The following PNPLA7 variants were observed in gnomAD, a reference collection of about 807,000 sequenced individuals.
PNPLA7 encodes patatin like domain 7, lysophospholipase, also known as patatin-like phospholipase domain-containing protein 7.
A neutral mutation model predicts 161.7 loss-of-function variants in PNPLA7; 153 were observed. The observed-to-expected ratio is 0.95, with a 90% CI of 0.83 to 1.08. PNPLA7 has a LOEUF of 1.08. Among genes scored for constraint, PNPLA7 ranks in the 50% least tolerant of loss-of-function variants. The pLI, the probability that PNPLA7 is intolerant of heterozygous loss-of-function variation, is 0.00. For synonymous variants in PNPLA7, 809 were observed against 782.1 expected, an observed-to-expected ratio of 1.03 and a Z score of -0.57; for missense variants, 1,739 against 1,856.6, an observed-to-expected ratio of 0.94 and a Z score of 1.16.
rs115635900 is a variant in PNPLA7, at chr9:137,543,349, C to T, written c.506+83G>A. ...TGCCAACCATTCCCCCAACACAAGA[C>T]GGCCAAGCTGGAGCCAGGCCCCAGC... On this transcript the variant is annotated intron_variant, in intron 6 of 34. Transcript: ENST00000406427. This position sits in a 1 kb window ranked among gnomAD's most constrained non-coding sequence, Gnocchi z 6.9. 3,454 of 1,557,356 alleles carry T rather than the reference C, an allele frequency of 2.2e-3. 69 individuals carry two copies. The African/African-American group carries it at 0.039, about 17-fold the overall frequency.
intron 9 of PNPLA7, among the ~76,000 whole-genome samples, 157 bp downstream of exon 9, chr9:137,522,572 T>C (rs1588675690): frequency 6.6e-6 from 1 of 152,364 alleles, no homozygotes; most frequent in East Asian, 1.9e-4. Flanking sequence ...GCCAATGAAG[T>C]TGATTTCTCT....
At chr9:137,501,586 C>G in intron 15 of PNPLA7, 64 bp downstream of exon 15, 1 of 1,493,958 alleles carries the variant, frequency 6.7e-7, no homozygotes, top group Non-Finnish European at 9.2e-7. Context: ...TCCTCTGGTG[C>G]TCCACTTGGC....
At chr9:137,493,241 G>A (rs1339333203) in intron 19 of PNPLA7, among the ~76,000 whole-genome samples, 159 bp from the exon 20 acceptor site, 4 of 152,226 alleles carry the variant, frequency 2.6e-5, no homozygotes, top group East Asian at 1.9e-4. Context: ...CACAAGCCAC[G>A]TGCTGGGCCA....
At chr9:137,494,915 C>T in intron 19 of PNPLA7, 118 bp downstream of exon 19, 1 of 937,216 alleles carries the variant, frequency 1.1e-6, no homozygotes, top group Non-Finnish European at 1.6e-6. Context: ...TCTGCGCTCT[C>T]ACCTGCTCCG....
chr9:137,515,491 A>G lies in PNPLA7; in HGVS notation c.1113T>C (p.Ala371=). Reference sequence around the variant, plus strand: ...AGTGGCTCCTCTTCAGCAGGGGCCCAGCAGCTGCCGGGCGGCCGCCCCCGT... The same window carrying G: ...AGTGGCTCCTCTTCAGCAGGGGCCCGGCAGCTGCCGGGCGGCCGCCCCCGT... ...SDHGGGRPAA[A]GPLLKRSHSV... is the part of the protein sequence containing the mutation. Residue 371 remains alanine (A), a synonymous_variant, in exon 12 of 35, where the codon GCT becomes GCC. Coordinates refer to ENST00000406427, the MANE Select transcript of PNPLA7 (RefSeq NM_001098537.3). 3 of 1,570,366 alleles carry G rather than the reference A, an allele frequency of 1.9e-6. No homozygotes were observed. Among genetic ancestry groups the G allele is most frequent in the Admixed American group, 2.0e-5 (1 of 51,266 alleles).
At position 137,484,217 on chromosome 9, in the gene PNPLA7, C is replaced by T. The variant is rs544916272; in HGVS notation, c.2347+370G>A. 6.6e-5 allele frequency among the ~76,000 whole-genome samples: 10 copies of T among 152,276 alleles called. No individual in the cohort carries two copies. The South Asian group carries it at 1.5e-3, about 22-fold the overall frequency. On this transcript the variant is annotated intron_variant, in intron 21 of 34. Coordinates refer to ENST00000406427, the MANE Select transcript of PNPLA7 (RefSeq NM_001098537.3). Reference sequence around the variant, plus strand: ...ACAAGCATGAGCCACCGCGCCCGACCGCATTCATTATTATTGCATTATTTT... The same window carrying T: ...ACAAGCATGAGCCACCGCGCCCGACTGCATTCATTATTATTGCATTATTTT...
chr9:137,460,715 C>T lies in PNPLA7; in HGVS notation c.3864G>A (p.Glu1288=), dbSNP rs1403460277. Reference sequence around the variant, plus strand: ...GGACGTCCAGCAGCTCCTCCTCGTACTCCGTCTGGTAGTCAGATTCGTCTG... The same window carrying T: ...GGACGTCCAGCAGCTCCTCCTCGTATTCCGTCTGGTAGTCAGATTCGTCTG... ...MVDDESDYQT[E]YEEELLDVPR... is the part of the protein sequence containing the mutation. Residue 1288 remains glutamate (E), a synonymous_variant, in exon 34 of 35, where the codon GAG becomes GAA. Transcript: ENST00000406427. 3 of 1,612,776 alleles carry T rather than the reference C, an allele frequency of 1.9e-6. No homozygotes were observed. Among genetic ancestry groups the T allele is most frequent in the Non-Finnish European group, 2.5e-6 (3 of 1,179,894 alleles).
Position 137,462,266 on chromosome 9 carries a change from C to T in PNPLA7, c.3558G>A (p.Val1186=), listed in dbSNP as rs778271781. Residue 1186 remains valine, a synonymous_variant, in exon 31 of 35, where the codon GTG becomes GTA. Coordinates refer to ENST00000406427, the MANE Select transcript of PNPLA7 (RefSeq NM_001098537.3). The part of the protein sequence containing the change: ...AYVCCVRQLE[V]VKSSDYCEYL... ...ACTCGCAGTAGTCACTGCTCTTCAC[C>T]ACCTCCAGCTGCCGCACGCAACACA... 6.2e-7 allele frequency: 1 copy of T among 1,611,900 alleles called. No individual in the cohort carries two copies. Among genetic ancestry groups the T allele is most frequent in the African/African-American group, 1.3e-5 (1 of 74,930 alleles).
intron 1 of PNPLA7, among the ~76,000 whole-genome samples, chr9:137,549,701 C>T (rs1252437343): frequency 6.6e-6 from 1 of 152,054 alleles, no homozygotes; most frequent in Non-Finnish European, 1.5e-5. Context: ...GGCAGAATTG[C>T]CTGAACCCAG....
At chr9:137,494,981 C>T (rs1832971432) in intron 19 of PNPLA7, 52 bp downstream of exon 19, 1 of 1,495,892 alleles carries the variant, frequency 6.7e-7, no homozygotes, top group Non-Finnish European at 9.2e-7. Flanking sequence ...TCCATGCCCT[C>T]ATCCACTCCA....
In PNPLA7 at chr9:137,498,151, C is replaced by A. The variant is rs1833168220; in HGVS notation, c.1852G>T (p.Asp618Tyr). The A allele has an allele frequency of 6.2e-7, 1 of 1,613,098 alleles. No homozygotes were observed. The highest frequency in any genetic ancestry group is 1.3e-5 in the African/African-American group (1 of 75,070). Residue 618 changes from aspartate (D) to tyrosine (Y), a missense_variant, in exon 17 of 35, where the codon GAC becomes TAC. By Grantham distance (160) the Asp-to-Tyr change is radical (BLOSUM62 -3). This residue lies in a region of PNPLA7 where 481 missense variants were observed against 450.0 expected (regional missense o/e 1.07). Coordinates refer to ENST00000406427, the MANE Select transcript of PNPLA7 (RefSeq NM_001098537.3). ...SFVRQIDFALDWVEVEAGRAI... is the reference protein window; with the variant it reads ...SFVRQIDFALYWVEVEAGRAI... ...CGCCCGGCCTCCACCTCCACCCAGT[C>A]CAGGGCAAAGTCGATTTGCCGCACG...
In PNPLA7 at chr9:137,547,032, C is replaced by T; in HGVS notation, c.194-123G>A. On this transcript the variant is annotated intron_variant, in intron 3 of 34. Transcript: ENST00000406427. This position sits in a 1 kb window ranked among gnomAD's most constrained non-coding sequence, Gnocchi z 4.6. ...CCAGTAACTGGCCATACTCAGACAG[C>T]ATGAGGGAAGAGGGCCTGAGTGACA... 1.1e-6 allele frequency: 1 copy of T among 931,832 alleles called. No individual in the cohort carries two copies. Among genetic ancestry groups the T allele is most frequent in the South Asian group, 1.5e-5 (1 of 67,064 alleles). 57.7% of individuals were successfully genotyped at this position (931,832 alleles called of 1,614,324 possible).
intron 21 of PNPLA7, among the ~76,000 whole-genome samples, chr9:137,481,798 T>C (rs549775195): frequency 1.3e-5 from 2 of 152,118 alleles, no homozygotes; most frequent in Non-Finnish European, 2.9e-5. Context: ...TAGCTGGGTG[T>C]GGTGGCGGGC....
rs756379405 is a variant in PNPLA7 at position 137,467,327 on chromosome 9, T to G, written c.3029A>C (p.Gln1010Pro). 134 of 1,613,154 alleles carry G rather than the reference T, an allele frequency of 8.3e-5. No homozygotes were observed. The highest frequency in any genetic ancestry group is 9.9e-5 in the Non-Finnish European group (117 of 1,179,772). The part of the protein sequence containing the change: ...NYSQMRIRAK[Q>P]WAEGMTSLMK... ...TGGGTGCCTGCTTACCTCGGCCCAC[T>G]GCTTGGCCCGGATCCGCATCTGGCT... Residue 1010 changes from glutamine to proline, a missense_variant, in exon 26 of 35, where the codon CAG becomes CCG. Physicochemically the swap from Gln to Pro is moderately conservative, Grantham distance 76 (BLOSUM62 -1). Around this residue, in one of 6 missense-constraint regions of PNPLA7, gnomAD observed 703 missense variants for 694.6 expected, o/e 1.01. Coordinates refer to ENST00000406427, the MANE Select transcript of PNPLA7 (RefSeq NM_001098537.3). This position sits in a 1 kb window ranked among gnomAD's most constrained non-coding sequence, Gnocchi z 5.1.
chr9:137,471,720 A>G (rs1175042317), intron 25 of PNPLA7, among the ~76,000 whole-genome samples: 1 of 151,996 alleles, frequency 6.6e-6, no homozygotes, highest in Non-Finnish European at 1.5e-5. Flanking sequence ...ATGGCTGATC[A>G]TAACTACAGA....
In PNPLA7 at chr9:137,520,289, T is replaced by C. The variant is rs940642326; in HGVS notation, c.958-246A>G. 3.3e-5 allele frequency among the ~76,000 whole-genome samples: 5 copies of C among 152,094 alleles called. No individual in the cohort carries two copies. The highest frequency in any genetic ancestry group is 7.4e-5 in the Non-Finnish European group (5 of 68,014). ...ATTTCAGGCAATGGAAAGAGGCCGA[T>C]CATCAACCCAGAAATCCAGTTATTC... On this transcript the variant is annotated intron_variant, in intron 10 of 34. Coordinates refer to ENST00000406427, the MANE Select transcript of PNPLA7 (RefSeq NM_001098537.3). This position sits in a 1 kb window ranked among gnomAD's most constrained non-coding sequence, Gnocchi z 5.2.
chr9:137,484,534 T>G, intron 21 of PNPLA7, 53 bp downstream of exon 21: 2 of 1,507,814 alleles, frequency 1.3e-6, no homozygotes, highest in Non-Finnish European at 1.8e-6. Flanking sequence ...GCAGGCGCCC[T>G]CCACCAGGCC....
rs190980251 is a variant in PNPLA7, at chr9:137,502,944, G to A, written c.1474-1217C>T. 8.6e-4 allele frequency among the ~76,000 whole-genome samples: 130 copies of A among 152,040 alleles called. 2 individuals are homozygous for A. The East Asian group carries it at 0.019, about 22-fold the overall frequency. ...GGATTTGCTTCAAGGGGGGGCACCC[G>A]AACGGTACGGAAGGGGTGCAGAGAA... On this transcript the variant is annotated intron_variant, in intron 14 of 34. Coordinates refer to ENST00000406427, the MANE Select transcript of PNPLA7 (RefSeq NM_001098537.3).
intron 12 of PNPLA7, chr9:137,508,806 G>C (rs572953744): frequency 1.3e-5 from 2 of 152,248 alleles, no homozygotes; most frequent in African/African-American, 4.8e-5. Context: ...ATAGTAAAAA[G>C]TGAATAGAAA....
Sources: allele counts gnomAD v4.1 joint callset (sites outside exome capture counted in the v4.1 genomes callset), GRCh38; gene constraint gnomAD v4.1.1; regional missense constraint gnomAD v4.1.1; non-coding constraint Gnocchi (gnomAD v3.1); transcripts MANE v1.5; gene names NCBI Gene and HGNC (gene_info 2026-07-23, HGNC 2026-07-21).